TENM3: variants seen among roughly 807,000 people sequenced by gnomAD.
The protein encoded by TENM3 is teneurin transmembrane protein 3.
In TENM3, 63 loss-of-function variants were observed where a neutral mutation model predicts 255.1. The ratio of observed to expected loss-of-function variants is 0.25; its 90% CI spans 0.20 to 0.30. The LOEUF is 0.30. Ranked by LOEUF, TENM3 falls within the 10% of genes least tolerant of loss-of-function variation. The pLI, the probability that TENM3 is intolerant of heterozygous loss-of-function variation, is 1.00. For missense variants in TENM3, 2,929 were observed against 3,461.1 expected (o/e 0.85, Z 3.86); for synonymous variants, 1,306 against 1,322.3 (o/e 0.99, Z 0.27).
chr4:181,826,758 G>C, the TENM3 span, among the ~76,000 whole-genome samples: 1 of 152,208 alleles, frequency 6.6e-6, no homozygotes, highest in South Asian at 2.1e-4. Flanking sequence ...CAGAGGTTTG[G>C]ATTTAATTGG....
the TENM3 span, among the ~76,000 whole-genome samples, chr4:181,817,836 AT>A: frequency 6.6e-6 from 1 of 152,190 alleles, no homozygotes; most frequent in Non-Finnish European, 1.5e-5. Context: ...TAAGAAATAA[AT>A]TTTGATTCTT....
At chr4:182,371,382 G>T (rs371584757) in intron 3 of TENM3, among the ~76,000 whole-genome samples, 1 of 151,956 alleles carries the variant, frequency 6.6e-6, no homozygotes, top group East Asian at 1.9e-4. Context: ...GTGTATCAAC[G>T]CTATGTTAAA....
intron 3 of TENM3, among the ~76,000 whole-genome samples, chr4:182,558,729 A>C (rs1311700722): frequency 6.6e-6 from 1 of 152,196 alleles, no homozygotes; most frequent in African/African-American, 2.4e-5. Context: ...CAATAATTCT[A>C]TATTTCTGTA....
the TENM3 span, among the ~76,000 whole-genome samples, chr4:182,100,520 CAT>C: frequency 7.1e-6 from 1 of 140,534 alleles, no homozygotes; most frequent in Non-Finnish European, 1.5e-5. Context: ...TATATACACA[CAT>C]ATATATACAC....
chr4:181,782,167 A>G, the TENM3 span, among the ~76,000 whole-genome samples: 4 of 151,796 alleles, frequency 2.6e-5, no homozygotes, highest in East Asian at 3.9e-4. Context: ...CTCTTTTTCT[A>G]TTGATTGGAA....
chr4:182,138,891 G>T, the TENM3 span, among the ~76,000 whole-genome samples: 1 of 152,154 alleles, frequency 6.6e-6, no homozygotes. Flanking sequence ...ATTTTAAAAC[G>T]ATGTCCCATT....
At chr4:182,209,142 A>G (rs1561199286) in intron 1 of TENM3, among the ~76,000 whole-genome samples, 1 of 151,552 alleles carries the variant, frequency 6.6e-6, no homozygotes, top group Non-Finnish European at 1.5e-5. Context: ...CAATTTTTGT[A>G]TTTTTAGTAG....
At chr4:181,873,509 G>A in the TENM3 span, among the ~76,000 whole-genome samples, 1 of 152,002 alleles carries the variant, frequency 6.6e-6, no homozygotes, top group Non-Finnish European at 1.5e-5. Flanking sequence ...CTTTCATTAT[G>A]CATCATTTAG....
chr4:181,880,376 A>G, the TENM3 span, among the ~76,000 whole-genome samples: 380 of 152,358 alleles, frequency 2.5e-3, 1 homozygote, highest in Non-Finnish European at 4.3e-3. Context: ...AACACATGCA[A>G]ATAATAAATA....
the TENM3 span, among the ~76,000 whole-genome samples, chr4:181,520,639 T>C: frequency 1.3e-5 from 2 of 151,808 alleles, no homozygotes; most frequent in Non-Finnish European, 2.9e-5. Flanking sequence ...TTTCAGGAAA[T>C]AAAAGAATAG....
chr4:182,506,439 G>A (rs1432510845), intron 3 of TENM3, among the ~76,000 whole-genome samples: 1 of 152,178 alleles, frequency 6.6e-6, no homozygotes, highest in African/African-American at 2.4e-5. Flanking sequence ...AAGTAACGTA[G>A]GAAGAGATTC....
At chr4:181,836,482 T>C in the TENM3 span, among the ~76,000 whole-genome samples, 1 of 152,182 alleles carries the variant, frequency 6.6e-6, no homozygotes, top group African/African-American at 2.4e-5. Flanking sequence ...GTATGAGGGA[T>C]GGGTTCAATT....
the TENM3 span, among the ~76,000 whole-genome samples, chr4:181,605,559 A>AAAGG: frequency 3.3e-5 from 1 of 30,430 alleles, no homozygotes; most frequent in East Asian, 8.8e-4. Flanking sequence ...AGAAAGAAAG[A>AAAGG]AAGAAAGAAA....
chr4:182,626,847 C>T (rs906240050), intron 4 of TENM3, among the ~76,000 whole-genome samples: 5 of 152,082 alleles, frequency 3.3e-5, no homozygotes, highest in African/African-American at 1.2e-4. Context: ...TTTTTAGAGA[C>T]ATTAGCTCTA....
At chr4:182,690,332 A>G (rs758171257) in intron 12 of TENM3, among the ~76,000 whole-genome samples, 11 of 152,194 alleles carry the variant, frequency 7.2e-5, no homozygotes, top group Admixed American at 1.3e-4. Flanking sequence ...GTTCATGTGA[A>G]CTACATTAAG....
At chr4:181,620,329 G>C in the TENM3 span, among the ~76,000 whole-genome samples, 1 of 152,002 alleles carries the variant, frequency 6.6e-6, no homozygotes, top group South Asian at 2.1e-4. Context: ...GTACACGGGG[G>C]ATTGGTTCCA....
chr4:181,745,167 A>G, the TENM3 span, among the ~76,000 whole-genome samples: 1 of 152,154 alleles, frequency 6.6e-6, no homozygotes, highest in Non-Finnish European at 1.5e-5. Context: ...GAAAGAAACC[A>G]GAAAAGGGTG....
chr4:181,684,971 GTTCAGGCTGGT>G, the TENM3 span, among the ~76,000 whole-genome samples: 1 of 90,910 alleles, frequency 1.1e-5, no homozygotes, highest in Non-Finnish European at 2.0e-5. Context: ...AAGCTATGTT[GTTCAGGCTGGT>G]CTTGAACTGC....
At position 182,377,276 on chromosome 4, in the gene TENM3, G is replaced by A. The variant is rs555562575; in HGVS notation, c.511+30347G>A. Among the ~76,000 whole-genome samples, 9 of 152,146 alleles carry A rather than the reference G, an allele frequency of 5.9e-5. No individual in the cohort carries two copies. The South Asian group carries it at 6.2e-4, about 11-fold the overall frequency. ...TTCAACAATCAAATTTTGATTCTGC[G>A]TATAGGCACATAAAGCCACATTTTG... On this transcript the variant is annotated intron_variant, in intron 3 of 27. Coordinates refer to ENST00000511685, the MANE Select transcript of TENM3 (RefSeq NM_001080477.4).
Sources: allele counts gnomAD v4.1 joint callset (sites outside exome capture counted in the v4.1 genomes callset), GRCh38; gene constraint gnomAD v4.1.1; transcripts MANE v1.5; gene names NCBI Gene and HGNC (gene_info 2026-07-23, HGNC 2026-07-21).